Variants in FHOD3 observed in about 807,000 individuals in gnomAD.
FHOD3 encodes the protein FH1/FH2 domain-containing protein 3.
Under a neutral mutation model 173.0 loss-of-function variants are expected in FHOD3, and 90 were observed. The observed-to-expected ratio is 0.52, with a 90% CI of 0.44 to 0.62. FHOD3 has a LOEUF of 0.62. Among genes scored for constraint, FHOD3 ranks in the 20% least tolerant of loss-of-function variants. The pLI is 0.00. For missense variants in FHOD3, 1,945 were observed against 2,034.7 expected (o/e 0.96, Z 0.85); for synonymous variants, 828 against 823.0 (o/e 1.01, Z -0.10).
chr18:36,622,342 A>G (rs2033780449), intron 9 of FHOD3, among the ~76,000 whole-genome samples: 1 of 152,240 alleles, frequency 6.6e-6, no homozygotes, highest in Non-Finnish European at 1.5e-5. Context: ...GAATATTTTT[A>G]CTACAATAAA....
chr18:36,356,888 C>T (rs2046386014), intron 2 of FHOD3, among the ~76,000 whole-genome samples: 1 of 152,122 alleles, frequency 6.6e-6, no homozygotes, highest in African/African-American at 2.4e-5. Flanking sequence ...TCACCCTCAG[C>T]CTCCCTAAGT....
At chr18:36,707,293 T>A (rs2039935999) in intron 17 of FHOD3, among the ~76,000 whole-genome samples, 1 of 152,108 alleles carries the variant, frequency 6.6e-6, no homozygotes, top group Non-Finnish European at 1.5e-5. Context: ...TTGCTGCCCC[T>A]CCCCATGTCC....
chr18:36,678,438 G>A (rs1252540374), intron 14 of FHOD3, among the ~76,000 whole-genome samples: 1 of 149,068 alleles, frequency 6.7e-6, no homozygotes, highest in African/African-American at 2.5e-5. Context: ...TCAGGAGGCT[G>A]AGGTGGGAGA....
intron 9 of FHOD3, among the ~76,000 whole-genome samples, chr18:36,622,526 A>G (rs2033796234): frequency 6.6e-6 from 1 of 152,156 alleles, no homozygotes; most frequent in African/African-American, 2.4e-5. Context: ...CCAAGTTTTT[A>G]GTTTACAAAT....
intron 17 of FHOD3, 73 bp from the exon 18 acceptor site, chr18:36,709,021 AC>A: frequency 6.5e-7 from 1 of 1,529,872 alleles, no homozygotes; most frequent in Non-Finnish European, 8.9e-7. Flanking sequence ...AATCAACCTC[AC>A]ATTCATTCTC....
At chr18:36,314,623 C>G (rs2044031336) in intron 1 of FHOD3, among the ~76,000 whole-genome samples, 1 of 152,152 alleles carries the variant, frequency 6.6e-6, no homozygotes. Context: ...TGAGTTTTAT[C>G]TTCTCTTTGC....
intron 14 of FHOD3, among the ~76,000 whole-genome samples, chr18:36,670,594 G>A (rs536260432): frequency 2.0e-4 from 31 of 152,114 alleles, no homozygotes; most frequent in African/African-American, 6.5e-4. Context: ...TGAATATGTG[G>A]ACTATAGTCA....
chr18:36,454,715 G>C (rs1366804461), intron 3 of FHOD3, among the ~76,000 whole-genome samples: 1 of 150,624 alleles, frequency 6.6e-6, no homozygotes, highest in Non-Finnish European at 1.5e-5. Flanking sequence ...CAACCTCTCT[G>C]TCTGGGCTTC....
chr18:36,430,681 A>C lies in FHOD3; in HGVS notation c.337+57937A>C, dbSNP rs144309097. 1.2e-3 allele frequency among the ~76,000 whole-genome samples: 182 copies of C among 152,342 alleles called. 1 individual carries two copies. The highest frequency in any genetic ancestry group is 9.7e-4 in the Non-Finnish European group (66 of 68,020). On this transcript the variant is annotated intron_variant, in intron 3 of 28. Coordinates refer to ENST00000590592, the MANE Select transcript of FHOD3 (RefSeq NM_001281740.3). ...AATGATTGTGGAATTACCAGAAATG[A>C]ATATGGGTTAGCTAGGAGTGAGTAT...
chr18:36,452,246 G>T (rs2051901003), intron 3 of FHOD3, among the ~76,000 whole-genome samples: 1 of 152,094 alleles, frequency 6.6e-6, no homozygotes, highest in Non-Finnish European at 1.5e-5. Flanking sequence ...CACTTTCCAG[G>T]ACTGTAGAAT....
At chr18:36,715,742 AAAAT>A (rs1350267294) in intron 18 of FHOD3, among the ~76,000 whole-genome samples, 3 of 152,234 alleles carry the variant, frequency 2.0e-5, no homozygotes, top group Non-Finnish European at 2.9e-5. Flanking sequence ...GCTGTGATGA[AAAAT>A]AAAGCAGGAA....
Position 36,744,087 on chromosome 18 carries a change from T to C in FHOD3, c.3935T>C (p.Val1312Ala). ...LEKVPEVKDTVHKQSLLHHVC... is the reference protein window; with the variant it reads ...LEKVPEVKDTAHKQSLLHHVC... ...AAGGTTCCAGAAGTCAAAGACACAG[T>C]GCACAAGCAGTCGCTTCTCCACCAT... Residue 1312 changes from valine to alanine, a missense_variant, in exon 23 of 29, where the codon GTG becomes GCG. Physicochemically the swap from Val to Ala is moderately conservative, Grantham distance 64. This residue lies in a region of FHOD3 where 231 missense variants were observed against 321.9 expected (regional missense o/e 0.72). Transcript: ENST00000590592. The C allele has an allele frequency of 2.5e-6, 4 of 1,614,152 alleles. No individual in the cohort carries two copies. The highest frequency in any genetic ancestry group is 2.2e-5 in the East Asian group (1 of 44,872).
chr18:36,385,465 C>T (rs1219360514), intron 3 of FHOD3, among the ~76,000 whole-genome samples: 1 of 151,482 alleles, frequency 6.6e-6, no homozygotes, highest in African/African-American at 2.4e-5. Flanking sequence ...GGTGAGATCT[C>T]GGTTCACTGT....
At position 36,524,706 on chromosome 18, in the gene FHOD3, C is replaced by G. The variant is rs183701347; in HGVS notation, c.511+12163C>G. ...TTCTATCTGTCTTTTCCCAGCTCTTCCAGATCTTAATCTGGAGGATTGAAT... is the reference window on the plus strand; with the variant it reads ...TTCTATCTGTCTTTTCCCAGCTCTTGCAGATCTTAATCTGGAGGATTGAAT... On this transcript the variant is annotated intron_variant, in intron 5 of 28. Coordinates refer to ENST00000590592, the MANE Select transcript of FHOD3 (RefSeq NM_001281740.3). 7.9e-5 allele frequency among the ~76,000 whole-genome samples: 12 copies of G among 152,320 alleles called. No homozygotes were observed. The East Asian group carries it at 1.5e-3, about 20-fold the overall frequency.
intron 3 of FHOD3, among the ~76,000 whole-genome samples, chr18:36,477,127 A>C (rs1350631428): frequency 2.0e-5 from 3 of 152,028 alleles, no homozygotes; most frequent in African/African-American, 7.2e-5. Flanking sequence ...AAGGAGGAGG[A>C]CAGGGACATC....
chr18:36,620,301 A>G (rs1196785960), intron 9 of FHOD3, among the ~76,000 whole-genome samples: 1 of 151,964 alleles, frequency 6.6e-6, no homozygotes, highest in Non-Finnish European at 1.5e-5. Context: ...TATCCATTCT[A>G]TTTTCTTTGC....
intron 3 of FHOD3, among the ~76,000 whole-genome samples, chr18:36,408,578 G>A (rs1301263911): frequency 1.3e-5 from 2 of 152,140 alleles, no homozygotes; most frequent in Non-Finnish European, 2.9e-5. Flanking sequence ...CTCCATCACC[G>A]AGGAATGAAG....
chr18:36,405,841 T>A (rs555624109), intron 3 of FHOD3, among the ~76,000 whole-genome samples: 1 of 152,312 alleles, frequency 6.6e-6, no homozygotes, highest in Non-Finnish European at 1.5e-5. Flanking sequence ...AATAATTATT[T>A]TCCTTTTTTT....
chr18:36,734,176 T>C (rs1302412009), intron 20 of FHOD3, among the ~76,000 whole-genome samples: 2 of 152,214 alleles, frequency 1.3e-5, no homozygotes, highest in Non-Finnish European at 2.9e-5. Flanking sequence ...ACTGAGATTT[T>C]ATTGCATCGT....
Sources: allele counts gnomAD v4.1 joint callset (sites outside exome capture counted in the v4.1 genomes callset), GRCh38; gene constraint gnomAD v4.1.1; regional missense constraint gnomAD v4.1.1; transcripts MANE v1.5; gene names NCBI Gene and HGNC (gene_info 2026-07-23, HGNC 2026-07-21).